The following LONP2 variants were observed in gnomAD, a reference collection of about 807,000 sequenced individuals.
LONP2 encodes the protein lon protease homolog 2, peroxisomal.
A neutral mutation model predicts 85.6 loss-of-function variants in LONP2; 60 were observed. The observed-to-expected ratio is 0.70, with a 90% CI of 0.57 to 0.87. The LOEUF is 0.87. LONP2 is among the 40% of genes least tolerant of loss of function. LONP2 has a pLI of 0.00. For missense variants in LONP2, 860 were observed against 1,063.5 expected (o/e 0.81, Z 2.66); for synonymous variants, 395 against 389.7 (o/e 1.01, Z -0.16).
chr16:48,357,154 A>ACAT lies in LONP2; in HGVS notation c.*5356_*5358dup, dbSNP rs1458950747. On this transcript the variant is annotated 3_prime_UTR_variant, in exon 15 of 15. Coordinates refer to ENST00000285737, the MANE Select transcript of LONP2 (RefSeq NM_031490.5). ...CCTTCCTCATTCCCTTACGCAGTGG[A>ACAT]CATCATACCCTTTTGTGGAGGAGGG... The ACAT allele has an allele frequency of 1.3e-5, 2 of 152,184 alleles. No homozygotes were observed. Among genetic ancestry groups the ACAT allele is most frequent in the Non-Finnish European group, 2.9e-5 (2 of 68,044 alleles). 9.4% of individuals were successfully genotyped at this position (152,184 alleles called of 1,614,324 possible).
At chr16:48,338,633 C>T (rs1183049075) in intron 12 of LONP2, among the ~76,000 whole-genome samples, 1 of 152,006 alleles carries the variant, frequency 6.6e-6, no homozygotes, top group African/African-American at 2.4e-5. Context: ...CCAGGCTGGG[C>T]GCGGTGGCTC....
rs1362976288 is a variant in LONP2, at chr16:48,356,962, GTTA to G, written c.*5166_*5168del. The G allele has an allele frequency of 6.5e-6, 1 of 152,812 alleles. No individual in the cohort carries two copies. The highest frequency in any genetic ancestry group is 2.4e-5 in the African/African-American group (1 of 41,562). The allele number at this position is 152,812 out of a possible 1,614,324, so 9.5% of individuals were successfully genotyped here. On this transcript the variant is annotated 3_prime_UTR_variant, in exon 15 of 15. Transcript: ENST00000285737. ...CTCCATTATTTATATCTGTAAACCT[GTTA>G]TTATTTTCAGAATTCAGAAAGGCCT...
chr16:48,275,159 G>C (rs1391585636), intron 7 of LONP2, among the ~76,000 whole-genome samples: 1 of 152,132 alleles, frequency 6.6e-6, no homozygotes. Context: ...CTGTGTGCCA[G>C]GGACCGTGCT....
intron 11 of LONP2, among the ~76,000 whole-genome samples, chr16:48,315,228 G>A (rs1973116749): frequency 6.6e-6 from 1 of 152,168 alleles, no homozygotes; most frequent in Admixed American, 6.5e-5. Flanking sequence ...TAAACACTAT[G>A]CCTTGCCTGT....
chr16:48,334,745 A>G (rs1337861367), intron 12 of LONP2: 6 of 546,634 alleles, frequency 1.1e-5, no homozygotes, highest in Non-Finnish European at 1.8e-5. Context: ...CTGGTCAGGT[A>G]AGATGCCCTA....
At chr16:48,321,322 T>C (rs148500001) in intron 11 of LONP2, among the ~76,000 whole-genome samples, 155 of 152,356 alleles carry the variant, frequency 1.0e-3, no homozygotes, top group Non-Finnish European at 1.5e-3. Context: ...TAAATAATTG[T>C]CTAGGAATAT....
chr16:48,334,281 C>T lies in LONP2; in HGVS notation c.1861C>T (p.Leu621=). Reference sequence around the variant, plus strand: ...TATCAGTGACACTACTGACTTGGCTCTACCACCTGAAATGCCGATTTTGAT... The same window carrying T: ...TATCAGTGACACTACTGACTTGGCTTTACCACCTGAAATGCCGATTTTGAT... ...ESISDTTDLA[L]PPEMPILIDF... The change falls in exon 12 of 15, where the codon CTA becomes TTA. Residue 621 remains leucine (L), a synonymous_variant. Coordinates refer to ENST00000285737, the MANE Select transcript of LONP2 (RefSeq NM_031490.5). The T allele has an allele frequency of 6.2e-7, 1 of 1,614,120 alleles. No homozygotes were observed. The highest frequency in any genetic ancestry group is 8.5e-7 in the Non-Finnish European group (1 of 1,179,974).
intron 8 of LONP2, 99 bp from the exon 9 acceptor site, chr16:48,295,916 A>C: frequency 9.0e-7 from 1 of 1,117,044 alleles, no homozygotes; most frequent in Admixed American, 2.3e-5. Flanking sequence ...TTCTGAGCAG[A>C]AATACCAACC....
intron 2 of LONP2, among the ~76,000 whole-genome samples, chr16:48,255,228 T>C (rs1320049317): frequency 6.6e-6 from 1 of 152,176 alleles, no homozygotes; most frequent in Non-Finnish European, 1.5e-5. Context: ...GTCTGCCTAT[T>C]AAAGTCACTC....
At chr16:48,300,553 C>G (rs1972782482) in intron 10 of LONP2, among the ~76,000 whole-genome samples, 1 of 152,216 alleles carries the variant, frequency 6.6e-6, no homozygotes, top group Admixed American at 6.5e-5. Flanking sequence ...TCTTGCGGCC[C>G]TTTTCTAGTA....
At chr16:48,360,885 T>C (rs1694611782), downstream of LONP2, 1 of 152,258 alleles carries the variant, frequency 6.6e-6, no homozygotes, top group Non-Finnish European at 1.5e-5. Flanking sequence ...ACCTTTACTT[T>C]CTGGAACTCA....
At chr16:48,254,351 T>C (rs1366895224) in intron 2 of LONP2, among the ~76,000 whole-genome samples, 1 of 151,556 alleles carries the variant, frequency 6.6e-6, no homozygotes, top group Non-Finnish European at 1.5e-5. Flanking sequence ...CTGGGAGTGC[T>C]CTTCCATCTC....
chr16:48,305,007 A>G (rs1024536283), intron 11 of LONP2, among the ~76,000 whole-genome samples: 7 of 152,338 alleles, frequency 4.6e-5, no homozygotes, highest in Middle Eastern at 3.4e-3. Context: ...CGCTGAACAC[A>G]GTGCATTTTA....
chr16:48,297,330 A>G (rs535062747), intron 9 of LONP2, among the ~76,000 whole-genome samples: 5 of 150,670 alleles, frequency 3.3e-5, no homozygotes, highest in Non-Finnish European at 7.4e-5. Flanking sequence ...TCTTTTTTTG[A>G]GATGGAGTCT....
intron 1 of LONP2, among the ~76,000 whole-genome samples, chr16:48,250,899 G>A (rs1971628847): frequency 6.6e-6 from 1 of 152,092 alleles, no homozygotes; most frequent in African/African-American, 2.4e-5. Context: ...ATAATTTCAA[G>A]TTTTTTATGT....
chr16:48,269,155 G>A (rs1972050487), intron 6 of LONP2, among the ~76,000 whole-genome samples: 1 of 149,768 alleles, frequency 6.7e-6, no homozygotes. Flanking sequence ...GTGAGACTTT[G>A]ATACAACTTT....
intron 1 of LONP2, among the ~76,000 whole-genome samples, chr16:48,249,330 G>T (rs1367222486): frequency 6.6e-6 from 1 of 152,154 alleles, no homozygotes; most frequent in Non-Finnish European, 1.5e-5. Flanking sequence ...TGCCTTTTGA[G>T]CATGCCTAAT....
intron 11 of LONP2, among the ~76,000 whole-genome samples, chr16:48,315,029 G>A (rs968546020): frequency 6.6e-6 from 1 of 152,144 alleles, no homozygotes; most frequent in African/African-American, 2.4e-5. Context: ...CCTGGGAAAT[G>A]CTGAATAGAA....
rs1278271575 is a variant in LONP2, at chr16:48,251,042, C to T, written c.234-1089C>T. Among the ~76,000 whole-genome samples, 4 of 152,076 alleles carry T rather than the reference C, an allele frequency of 2.6e-5. No individual in the cohort carries two copies. In the East Asian group the frequency reaches 7.7e-4, roughly 29 times the overall value. On this transcript the variant is annotated intron_variant, in intron 1 of 14. Transcript: ENST00000285737. Reference sequence around the variant, plus strand: ...ACGTAGTTCAGAATAAACTGAGTGGCAGAAAGAAGCCAAAGGCTATGTGTA... The same window carrying T: ...ACGTAGTTCAGAATAAACTGAGTGGTAGAAAGAAGCCAAAGGCTATGTGTA...
Sources: allele counts gnomAD v4.1 joint callset (sites outside exome capture counted in the v4.1 genomes callset), GRCh38; gene constraint gnomAD v4.1.1; transcripts MANE v1.5; gene names NCBI Gene and HGNC (gene_info 2026-07-23, HGNC 2026-07-21).